MMP26: variants seen among roughly 807,000 people sequenced by gnomAD.
MMP26 encodes matrix metallopeptidase 26.
Under a neutral mutation model 31.0 loss-of-function variants are expected in MMP26, and 33 were observed. The observed-to-expected ratio is 1.06, with a 90% CI of 0.81 to 1.42. MMP26 has a LOEUF of 1.42. Ranked by LOEUF, MMP26 falls within the 40% of genes most tolerant of loss-of-function variation. The pLI is 0.00. For synonymous variants in MMP26, 122 were observed against 114.9 expected (o/e 1.06, Z -0.40); for missense variants, 347 against 316.1 (o/e 1.10, Z -0.74).
intron 2 of MMP26, chr11:4,786,605 G>C (rs970605872): frequency 6.9e-6 from 1 of 145,758 alleles, no homozygotes; most frequent in African/African-American, 2.6e-5. Flanking sequence ...ATCAATGAGG[G>C]CTATTGTATT....
At chr11:4,832,244 C>T (rs1849656319) in intron 2 of MMP26, 2 of 189,330 alleles carry the variant, frequency 1.1e-5, no homozygotes, top group Non-Finnish European at 2.3e-5. Flanking sequence ...CCTTATGTAC[C>T]TCATGGCCAT....
At chr11:4,958,639 A>G (rs936296248) in intron 2 of MMP26, among the ~76,000 whole-genome samples, 3 of 151,746 alleles carry the variant, frequency 2.0e-5, no homozygotes, top group Non-Finnish European at 4.4e-5. Context: ...GTTAATTTGT[A>G]TTTTTCTTTC....
intron 2 of MMP26, among the ~76,000 whole-genome samples, chr11:4,796,355 T>C (rs566478778): frequency 1.6e-4 from 25 of 152,372 alleles, no homozygotes; most frequent in African/African-American, 6.0e-4. Flanking sequence ...TAGAATTGCC[T>C]TCTCATTTGT....
chr11:4,991,424 T>A lies in MMP26; in HGVS notation c.523T>A (p.Phe175Ile). The A allele has an allele frequency of 6.2e-7, 1 of 1,613,966 alleles. No homozygotes were observed. The highest frequency in any genetic ancestry group is 8.5e-7 in the Non-Finnish European group (1 of 1,179,854). Reference protein sequence around the residue: ...DGPGGILGHAFLPNSGNPGVV... With the variant: ...DGPGGILGHAILPNSGNPGVV... ...GCCAGGTGGTATCTTAGGCCATGCCTTTTTACCAAATTCTGGAAATCCTGG... is the reference window on the plus strand; with the variant it reads ...GCCAGGTGGTATCTTAGGCCATGCCATTTTACCAAATTCTGGAAATCCTGG... Residue 175 changes from phenylalanine (F) to isoleucine (I), a missense_variant, in exon 6 of 8, where the codon TTT (phenylalanine) becomes ATT (isoleucine). By Grantham distance (21) the Phe-to-Ile change is conservative (BLOSUM62 0). Coordinates refer to ENST00000380390, the MANE Select transcript of MMP26 (RefSeq NM_021801.5).
chr11:4,778,096 T>C (rs929404880), intron 2 of MMP26, among the ~76,000 whole-genome samples: 4 of 152,110 alleles, frequency 2.6e-5, no homozygotes, highest in Non-Finnish European at 1.5e-5. Context: ...TGCATGGCAG[T>C]TCAAATCAAT....
At chr11:4,804,020 T>C (rs1849226171) in intron 2 of MMP26, 1 of 1,613,808 alleles carries the variant, frequency 6.2e-7, no homozygotes, top group Non-Finnish European at 8.5e-7. Context: ...TCCAGGGCCA[T>C]AGCCATGAGC....
intron 2 of MMP26, among the ~76,000 whole-genome samples, chr11:4,844,387 G>T (rs893145248): frequency 3.3e-5 from 5 of 152,074 alleles, no homozygotes; most frequent in African/African-American, 9.7e-5. Flanking sequence ...AAATATGGAA[G>T]AGGAAGGAAT....
At chr11:4,832,822 C>A in intron 2 of MMP26, 1 of 173,206 alleles carries the variant, frequency 5.8e-6, no homozygotes, top group African/African-American at 2.4e-5. Flanking sequence ...GGTATTGCAT[C>A]CCATGGGGAG....
intron 2 of MMP26, chr11:4,919,149 G>A (rs1189112080): frequency 6.6e-6 from 1 of 152,192 alleles, no homozygotes; most frequent in East Asian, 1.9e-4. Flanking sequence ...ATCCCATGAA[G>A]CCAGCAAAAT....
intron 2 of MMP26, among the ~76,000 whole-genome samples, chr11:4,982,323 G>A (rs74054435): frequency 0.032 from 4,920 of 152,128 alleles, 286 homozygotes; most frequent in African/African-American, 0.11. Context: ...GTGTTATGAC[G>A]TTACGACAGC....
intron 2 of MMP26, chr11:4,769,721 A>G (rs11033801): frequency 0.23 from 376,591 of 1,609,548 alleles, 49,134 homozygotes; most frequent in African/African-American, 0.44. Flanking sequence ...TGATAGCCTG[A>G]AGAGGAAATA....
chr11:4,924,412 C>T lies in MMP26; in HGVS notation c.-144-63656C>T, dbSNP rs1030134726. 4 of 1,453,394 alleles carry T rather than the reference C, an allele frequency of 2.8e-6. No homozygotes were observed. The South Asian group carries it at 5.4e-5, about 20-fold the overall frequency. The allele number at this position is 1,453,394 out of a possible 1,614,324, so 90.0% of individuals were successfully genotyped here. Reference sequence around the variant, plus strand: ...CTGGAAAGTGACAAGGCTGAATTCTCACTCACCTAAATGTCCCAAGATCAG... The same window carrying T: ...CTGGAAAGTGACAAGGCTGAATTCTTACTCACCTAAATGTCCCAAGATCAG... On this transcript the variant is annotated intron_variant, in intron 2 of 7. Transcript: ENST00000380390.
intron 2 of MMP26, among the ~76,000 whole-genome samples, chr11:4,969,279 A>G (rs1286595497): frequency 6.6e-6 from 1 of 152,052 alleles, no homozygotes; most frequent in East Asian, 1.9e-4. Flanking sequence ...CATATAAAAC[A>G]TATAACAATA....
chr11:4,707,254 T>G (rs1452089242), intron 1 of MMP26, among the ~76,000 whole-genome samples: 1 of 152,226 alleles, frequency 6.6e-6, no homozygotes, highest in Non-Finnish European at 1.5e-5. Flanking sequence ...GTGATTTTGA[T>G]GATTTTGATT....
At chr11:4,804,292 A>G (rs940669648) in intron 2 of MMP26, 8 of 1,614,096 alleles carry the variant, frequency 5.0e-6, no homozygotes, top group South Asian at 1.1e-5. Flanking sequence ...CGGAAAGGCA[A>G]TCCACAACTG....
intron 1 of MMP26, among the ~76,000 whole-genome samples, chr11:4,709,389 T>C (rs1847827186): frequency 6.6e-6 from 1 of 152,198 alleles, no homozygotes; most frequent in Non-Finnish European, 1.5e-5. Flanking sequence ...CCTCTCCTAG[T>C]TCATTCAAGA....
At chr11:4,766,638 T>C (rs1848632001) in intron 1 of MMP26, among the ~76,000 whole-genome samples, 1 of 152,138 alleles carries the variant, frequency 6.6e-6, no homozygotes, top group African/African-American at 2.4e-5. Flanking sequence ...GTGTAACAAA[T>C]GGGCTGTTTG....
At chr11:4,980,483 G>T (rs1384655028) in intron 2 of MMP26, among the ~76,000 whole-genome samples, 1 of 151,558 alleles carries the variant, frequency 6.6e-6, no homozygotes, top group African/African-American at 2.4e-5. Flanking sequence ...CAAAATATAG[G>T]GATGGAAAAC....
intron 2 of MMP26, among the ~76,000 whole-genome samples, chr11:4,940,658 A>G (rs959323675): frequency 1.3e-5 from 2 of 152,198 alleles, no homozygotes; most frequent in African/African-American, 4.8e-5. Flanking sequence ...AGAATAACAC[A>G]ATACTTGATG....
Sources: gnomAD v4.1 joint callset for allele counts (sites outside exome capture counted in the v4.1 genomes callset) on GRCh38, gnomAD v4.1.1 for gene constraint, MANE v1.5 for transcripts, NCBI Gene and HGNC (gene_info 2026-07-23, HGNC 2026-07-21) for gene names.